The following MMP15 variants were observed in gnomAD, a reference collection of about 807,000 sequenced individuals.
MMP15 encodes matrix metalloproteinase-15.
In MMP15, 36 loss-of-function variants were observed where a neutral mutation model predicts 65.0. The ratio of observed to expected loss-of-function variants is 0.55; its 90% CI spans 0.42 to 0.73. The LOEUF (loss-of-function observed/expected upper bound fraction) is 0.73, where lower values mean the gene tolerates loss of function less well. Ranked by LOEUF, MMP15 falls within the 30% of genes least tolerant of loss-of-function variation. The pLI is 0.00. For synonymous variants in MMP15, 428 were observed against 410.2 expected, an observed-to-expected ratio of 1.04 and a Z score of -0.52; for missense variants, 870 against 987.8, an observed-to-expected ratio of 0.88 and a Z score of 1.60.
chr16:58,045,023 CA>C lies in MMP15; in HGVS notation c.1589del (p.Lys530ArgfsTer95), dbSNP rs1379750294. The C allele has an allele frequency of 6.2e-7, 1 of 1,613,322 alleles. No individual in the cohort carries two copies. The highest frequency in any genetic ancestry group is 1.3e-5 in the African/African-American group (1 of 74,940). On this transcript the variant is annotated frameshift_variant, in exon 10 of 10. Transcript: ENST00000219271. LOFTEE classifies it low-confidence loss of function (END_TRUNC). ...CCCCTGCAGCCTACACCTACTTCTA[CA>C]AGGGCACCAAATACTGGAAATTCGA... ...SNDAAYTYFY[K>X]GTKYWKFDNE...
intron 1 of MMP15, among the ~76,000 whole-genome samples, chr16:58,028,891 C>T (rs1963860404): frequency 6.6e-6 from 1 of 152,258 alleles, no homozygotes; most frequent in Non-Finnish European, 1.5e-5. Flanking sequence ...GATGTCCAAT[C>T]CCAGTCTGTA....
chr16:58,030,460 C>G (rs747703985), intron 1 of MMP15, among the ~76,000 whole-genome samples: 71 of 152,100 alleles, frequency 4.7e-4, no homozygotes, highest in Admixed American at 3.1e-3. Flanking sequence ...CCATGGCCCT[C>G]GTGGGAATGG....
At chr16:58,031,098 T>C (rs1963885101) in intron 1 of MMP15, among the ~76,000 whole-genome samples, 1 of 151,948 alleles carries the variant, frequency 6.6e-6, no homozygotes, top group East Asian at 1.9e-4. Flanking sequence ...GTGTAGATGC[T>C]GTCATTACTC....
Position 58,043,256 on chromosome 16 carries a change from C to A in MMP15, c.1350C>A (p.Tyr450Ter). The A allele has an allele frequency of 1.9e-6, 3 of 1,602,152 alleles. No individual in the cohort carries two copies. Among genetic ancestry groups the A allele is most frequent in the Non-Finnish European group, 2.6e-6 (3 of 1,173,834 alleles). The change falls in exon 8 of 10, where the codon TAC becomes TAA. Residue 450 changes from tyrosine to a stop codon, truncating the protein, a stop_gained. Coordinates refer to ENST00000219271, the MANE Select transcript of MMP15 (RefSeq NM_002428.4). LOFTEE classifies it high-confidence loss of function. ...GAGAAGCGAACCTGGAGCCCGGCTA[C>A]CCACAGCCGCTGACCAGCTATGGCC... Reference protein sequence around the residue: ...LFREANLEPGYPQPLTSYGLG... With the variant: ...LFREANLEPG
intron 5 of MMP15, 41 bp from the exon 6 acceptor site, chr16:58,041,576 A>C (rs932587910): frequency 6.4e-7 from 1 of 1,558,140 alleles, no homozygotes; most frequent in South Asian, 1.2e-5. Flanking sequence ...GGTTCTGAGT[A>C]GGAACACAGA....
chr16:58,026,333 G>A lies in MMP15; in HGVS notation c.-18G>A. ...GATCCGGCGTGCAGTGTTCCGAGCT[G>A]GGCTGGGCGCCGAGAGCATGGGCAG... On this transcript the variant is annotated 5_prime_UTR_variant, in exon 1 of 10. Coordinates refer to ENST00000219271, the MANE Select transcript of MMP15 (RefSeq NM_002428.4). 1 of 1,337,106 alleles carries A rather than the reference G, an allele frequency of 7.5e-7. No individual in the cohort carries two copies. Among genetic ancestry groups the A allele is most frequent in the Non-Finnish European group, 9.5e-7 (1 of 1,048,506 alleles). The allele number at this position is 1,337,106 out of a possible 1,614,324, so 82.8% of individuals were successfully genotyped here.
chr16:58,040,008 CAGA>C lies in MMP15; in HGVS notation c.577_579del (p.Lys193del). The stretch of plus-strand genomic sequence containing the variant: ...CTATGAGGACATCCGGCTGCGGCGA[CAGA>C]AGGAGGCCGACATCATGGTACTCTT... On this transcript the variant is annotated inframe_deletion, in exon 4 of 10. Transcript: ENST00000219271. 3 of 1,614,106 alleles carry C rather than the reference CAGA, an allele frequency of 1.9e-6. No individual in the cohort carries two copies. Among genetic ancestry groups the C allele is most frequent in the Non-Finnish European group, 2.5e-6 (3 of 1,180,058 alleles).
rs1179569311 is a variant in MMP15, at chr16:58,035,613, T to TC, written c.163-1854dup. ...GGAGATGAGGCAGGTCCTGGTGCAA[T>TC]CCCCCTTTTACTGATGACCGACAGA... On this transcript the variant is annotated intron_variant, in intron 1 of 9. Transcript: ENST00000219271. Among the ~76,000 whole-genome samples, 3 of 152,168 alleles carry TC rather than the reference T, an allele frequency of 2.0e-5. No homozygotes were observed. The East Asian group carries it at 5.8e-4, about 29-fold the overall frequency.
chr16:58,038,163 A>T, intron 2 of MMP15, 103 bp from the exon 3 acceptor site: 1 of 1,475,472 alleles, frequency 6.8e-7, no homozygotes, highest in Non-Finnish European at 9.3e-7. Context: ...GTGTCATAGG[A>T]GGGGCGGCTG....
chr16:58,040,267 G>T, intron 4 of MMP15, 85 bp downstream of exon 4: 1 of 1,391,756 alleles, frequency 7.2e-7, no homozygotes, highest in Non-Finnish European at 9.7e-7. Flanking sequence ...TTCAGCAGCC[G>T]CGGGGCTGGG....
chr16:58,033,244 C>T (rs1016343366), intron 1 of MMP15, among the ~76,000 whole-genome samples: 1 of 152,224 alleles, frequency 6.6e-6, no homozygotes, highest in Non-Finnish European at 1.5e-5. Flanking sequence ...GGCACTGCTC[C>T]TGAGAAAGGT....
At position 58,045,356 on chromosome 16, in the gene MMP15, G is replaced by A. The variant is rs1387271499; in HGVS notation, c.1920G>A (p.Leu640=). The part of the protein sequence containing the change: ...LVPLLLLLCV[L]GLTYALVQMQ... Reference sequence around the variant, plus strand: ...CACTGCTGCTGCTGCTCTGCGTCCTGGGCCTCACCTACGCGCTGGTGCAGA... The same window carrying A: ...CACTGCTGCTGCTGCTCTGCGTCCTAGGCCTCACCTACGCGCTGGTGCAGA... The change falls in exon 10 of 10, where the codon CTG becomes CTA. Residue 640 remains leucine, a synonymous_variant. Transcript: ENST00000219271. The A allele has an allele frequency of 6.2e-7, 1 of 1,601,966 alleles. No individual in the cohort carries two copies. Among genetic ancestry groups the A allele is most frequent in the Admixed American group, 1.7e-5 (1 of 57,898 alleles).
At chr16:58,042,969 G>A (rs142840614) in intron 7 of MMP15, among the ~76,000 whole-genome samples, 33 of 152,332 alleles carry the variant, frequency 2.2e-4, no homozygotes, top group African/African-American at 7.2e-4. Context: ...ACATGGAAGC[G>A]AGGGCTGTGG....
intron 7 of MMP15, 106 bp downstream of exon 7, chr16:58,042,475 CCTGTGCCCCCA>C (rs1211256304): frequency 2.1e-6 from 3 of 1,457,324 alleles, no homozygotes; most frequent in Non-Finnish European, 2.8e-6. Context: ...CATGTCTGGT[CCTGTGCCCCCA>C]CTGTGGGCTC....
intron 8 of MMP15, 74 bp downstream of exon 8, chr16:58,043,434 A>G: frequency 6.3e-7 from 1 of 1,595,454 alleles, no homozygotes; most frequent in East Asian, 2.3e-5. Flanking sequence ...CTACCCAGAA[A>G]GAATCCACTG....
At chr16:58,027,019 G>T (rs1286329445) in intron 1 of MMP15, among the ~76,000 whole-genome samples, 1 of 152,248 alleles carries the variant, frequency 6.6e-6, no homozygotes, top group Non-Finnish European at 1.5e-5. Flanking sequence ...ACCGAGCCGC[G>T]CACGGCGGGC....
chr16:58,042,141 C>T, intron 6 of MMP15, 90 bp from the exon 7 acceptor site: 2 of 1,506,076 alleles, frequency 1.3e-6, no homozygotes, highest in African/African-American at 2.8e-5. Flanking sequence ...TTGGGCCCAC[C>T]CTCACCTGGG....
rs536014148 is a variant in MMP15, at chr16:58,046,519, G to A, written c.*1073G>A. 8 of 152,688 alleles carry A rather than the reference G, an allele frequency of 5.2e-5. No individual in the cohort carries two copies. Among genetic ancestry groups the A allele is most frequent in the South Asian group, 2.1e-4 (1 of 4,828 alleles). 9.5% of individuals were successfully genotyped at this position (152,688 alleles called of 1,614,324 possible). On this transcript the variant is annotated 3_prime_UTR_variant, in exon 10 of 10. Coordinates refer to ENST00000219271, the MANE Select transcript of MMP15 (RefSeq NM_002428.4). Reference sequence around the variant, plus strand: ...CCGCGCATCAGACTGTGAACCCCACGAAGGAGCCCATTGTGGCCTAAGAGG... The same window carrying A: ...CCGCGCATCAGACTGTGAACCCCACAAAGGAGCCCATTGTGGCCTAAGAGG...
rs1410935309 is a variant in MMP15, at chr16:58,045,465, A to G, written c.*19A>G. The G allele has an allele frequency of 5.4e-6, 8 of 1,492,174 alleles. No individual in the cohort carries two copies. Among genetic ancestry groups the G allele is most frequent in the Non-Finnish European group, 6.3e-6 (7 of 1,119,424 alleles). 92.4% of individuals were successfully genotyped at this position (1,492,174 alleles called of 1,614,324 possible). On this transcript the variant is annotated 3_prime_UTR_variant, in exon 10 of 10. Transcript: ENST00000219271. ...GGTCTGACCACCCAGCGCTCCTGCT[A>G]ACGGTGCTCAGGGGGCGCCTGTGGT...
Sources: gnomAD v4.1 joint callset for allele counts (sites outside exome capture counted in the v4.1 genomes callset) on GRCh38, gnomAD v4.1.1 for gene constraint, MANE v1.5 for transcripts, NCBI Gene and HGNC (gene_info 2026-07-23, HGNC 2026-07-21) for gene names.